The following DPP10 variants were observed in gnomAD, a reference collection of about 807,000 sequenced individuals.
The protein encoded by DPP10 is dipeptidyl peptidase like 10, also known as inactive dipeptidyl peptidase 10.
Under a neutral mutation model 120.9 loss-of-function variants are expected in DPP10, and 33 were observed. The observed-to-expected ratio is 0.27, with a 90% CI of 0.21 to 0.37. DPP10 has a LOEUF of 0.37. Ranked by LOEUF, DPP10 falls within the 10% of genes least tolerant of loss-of-function variation. The pLI is 1.00. For missense variants in DPP10, 816 were observed against 942.8 expected, an observed-to-expected ratio of 0.87 and a Z score of 1.76; for synonymous variants, 337 against 326.1, an observed-to-expected ratio of 1.03 and a Z score of -0.36.
chr2:115,125,579 T>C (rs1268670010), intron 1 of DPP10, among the ~76,000 whole-genome samples: 1 of 147,482 alleles, frequency 6.8e-6, no homozygotes, highest in Non-Finnish European at 1.5e-5. Context: ...TTTTTTTTTT[T>C]TTTTTTTTTG....
At chr2:114,497,860 G>C (rs1009933663) in intron 1 of DPP10, among the ~76,000 whole-genome samples, 1 of 152,158 alleles carries the variant, frequency 6.6e-6, no homozygotes, top group Admixed American at 6.5e-5. Context: ...ACAGAACAAG[G>C]GGGAGGGCAG....
chr2:115,726,546 G>C (rs1316018530), intron 7 of DPP10, among the ~76,000 whole-genome samples: 1 of 151,948 alleles, frequency 6.6e-6, no homozygotes, highest in East Asian at 1.9e-4. Flanking sequence ...TAAAGTCCAC[G>C]CTTGTAACCA....
chr2:114,846,997 G>C (rs1473234382), intron 1 of DPP10, among the ~76,000 whole-genome samples: 1 of 152,014 alleles, frequency 6.6e-6, no homozygotes, highest in African/African-American at 2.4e-5. Flanking sequence ...CCCTATTATG[G>C]TATGGTTTCT....
rs371677426 is a variant in DPP10 at position 115,689,894 on chromosome 2, G to A, written c.549G>A (p.Ala183=). The change falls in exon 7 of 26, where the codon GCG becomes GCA. Residue 183 remains alanine (A), a synonymous_variant. Transcript: ENST00000410059. ...TAGAGGACTCCGTCTTGCAGTACGC[G>A]GCCTGGGGTGTCCAAGGGCAGCAGC... ...PEVEDSVLQY[A]AWGVQGQQLI... is the part of the protein sequence containing the mutation. 4.5e-5 allele frequency: 73 copies of A among 1,613,818 alleles called. No homozygotes were observed. Among genetic ancestry groups the A allele is most frequent in the African/African-American group, 2.9e-4 (22 of 74,988 alleles).
intron 1 of DPP10, among the ~76,000 whole-genome samples, chr2:114,738,879 T>G (rs1297620290): frequency 6.6e-6 from 1 of 152,202 alleles, no homozygotes; most frequent in African/African-American, 2.4e-5. Flanking sequence ...CAGTCGTTTA[T>G]TTCTTCCAGA....
chr2:115,116,626 T>C (rs1249741031), intron 1 of DPP10, among the ~76,000 whole-genome samples: 1 of 152,200 alleles, frequency 6.6e-6, no homozygotes, highest in Admixed American at 6.5e-5. Flanking sequence ...AAAGATTCCA[T>C]AGAGAAAACC....
chr2:115,823,246 A>T (rs1261541052), intron 21 of DPP10, among the ~76,000 whole-genome samples: 1 of 151,938 alleles, frequency 6.6e-6, no homozygotes. Flanking sequence ...ATTATGTTTT[A>T]TTTTTAATTG....
In DPP10 at chr2:115,099,139, AAAAAAAAG is replaced by A. The variant is rs1355424779; in HGVS notation, c.61-210087_61-210080del. Among the ~76,000 whole-genome samples, 518 of 151,482 alleles carry A rather than the reference AAAAAAAAG, an allele frequency of 3.4e-3. 2 individuals are homozygous for A. Among genetic ancestry groups the A allele is most frequent in the African/African-American group, 0.012 (487 of 41,218 alleles). On this transcript the variant is annotated intron_variant, in intron 1 of 25. Coordinates refer to ENST00000410059, the MANE Select transcript of DPP10 (RefSeq NM_020868.6). ...ATCTCTGCTAAAAATACAAAAAAAA[AAAAAAAAG>A]AAAAAAAGAAAAGAAAAATAGCTGG...
At chr2:114,690,561 T>C (rs1030650753) in intron 1 of DPP10, among the ~76,000 whole-genome samples, 31 of 152,200 alleles carry the variant, frequency 2.0e-4, no homozygotes, top group African/African-American at 7.5e-4. Context: ...TTGTCTTGGC[T>C]ATTTGGGATC....
At chr2:115,117,245 G>A (rs1278474000) in intron 1 of DPP10, among the ~76,000 whole-genome samples, 2 of 152,148 alleles carry the variant, frequency 1.3e-5, no homozygotes, top group Non-Finnish European at 2.9e-5. Flanking sequence ...CAAGTTAAAT[G>A]ATATGTGGTT....
At chr2:115,436,888 C>G (rs1402956834) in intron 3 of DPP10, among the ~76,000 whole-genome samples, 2 of 151,582 alleles carry the variant, frequency 1.3e-5, no homozygotes, top group Admixed American at 1.3e-4. Context: ...TTATTCTACC[C>G]CAATAATAAT....
At chr2:114,517,546 T>C (rs931053095) in intron 1 of DPP10, among the ~76,000 whole-genome samples, 4 of 151,814 alleles carry the variant, frequency 2.6e-5, no homozygotes, top group Admixed American at 2.6e-4. Context: ...AAATTGTCTG[T>C]CTTCATGGTA....
chr2:114,961,033 C>CATTTTTTTTTTT (rs1698578062), intron 1 of DPP10, among the ~76,000 whole-genome samples: 2 of 52,004 alleles, frequency 3.8e-5, no homozygotes, highest in African/African-American at 1.5e-4. Flanking sequence ...CTCTATACGC[C>CATTTTTTTTTTT]TTTTTTTTTT....
At chr2:114,790,991 A>T (rs1336952673) in intron 1 of DPP10, among the ~76,000 whole-genome samples, 1 of 152,208 alleles carries the variant, frequency 6.6e-6, no homozygotes, top group Admixed American at 6.5e-5. Context: ...TATAGAATAT[A>T]AGAAAAAAAA....
intron 5 of DPP10, among the ~76,000 whole-genome samples, chr2:115,651,650 A>G (rs1025981754): frequency 1.1e-4 from 16 of 152,014 alleles, no homozygotes; most frequent in African/African-American, 3.1e-4. Flanking sequence ...CAGTCAGGGT[A>G]CAGACAGGAA....
At chr2:115,483,153 G>A (rs1027703506) in intron 3 of DPP10, among the ~76,000 whole-genome samples, 3 of 152,086 alleles carry the variant, frequency 2.0e-5, no homozygotes, top group Non-Finnish European at 2.9e-5. Flanking sequence ...TGGTAGTTAC[G>A]TTACCTCCAT....
At chr2:115,712,714 T>C (rs2092371175) in intron 7 of DPP10, among the ~76,000 whole-genome samples, 1 of 151,070 alleles carries the variant, frequency 6.6e-6, no homozygotes, top group African/African-American at 2.4e-5. Flanking sequence ...ATGTAGGTGC[T>C]TCTACAATAA....
chr2:115,068,213 C>G (rs1707081356), intron 1 of DPP10, among the ~76,000 whole-genome samples: 1 of 151,884 alleles, frequency 6.6e-6, no homozygotes, highest in African/African-American at 2.4e-5. Context: ...TTTTTTCACA[C>G]CCTCACCAAC....
chr2:114,681,175 T>C (rs1232494318), intron 1 of DPP10, among the ~76,000 whole-genome samples: 1 of 151,998 alleles, frequency 6.6e-6, no homozygotes, highest in Non-Finnish European at 1.5e-5. Flanking sequence ...GCCTATCATG[T>C]TGCTTACTTT....
Sources: allele counts gnomAD v4.1 joint callset (sites outside exome capture counted in the v4.1 genomes callset), GRCh38; gene constraint gnomAD v4.1.1; transcripts MANE v1.5; gene names NCBI Gene and HGNC (gene_info 2026-07-23, HGNC 2026-07-21).